Variants in EIF4E3 observed in about 807,000 individuals in gnomAD.
EIF4E3 encodes eukaryotic translation initiation factor 4E family member 3.
Under a neutral mutation model 31.7 loss-of-function variants are expected in EIF4E3, and 26 were observed. The ratio of observed to expected loss-of-function variants is 0.82; its 90% CI spans 0.60 to 1.14. The LOEUF is 1.14. EIF4E3 is among the 50% of genes most tolerant of loss of function. EIF4E3 has a pLI of 0.00. For missense variants in EIF4E3, 304 were observed against 270.9 expected, an observed-to-expected ratio of 1.12 and a Z score of -0.86; for synonymous variants, 128 against 107.7, an observed-to-expected ratio of 1.19 and a Z score of -1.17.
chr3:71,659,719 G>A, the EIF4E3 span, among the ~76,000 whole-genome samples: 2 of 152,170 alleles, frequency 1.3e-5, no homozygotes. Context: ...TCACACTGTG[G>A]TCACAACACA....
At chr3:71,692,330 A>C (rs2049074303) in intron 5 of EIF4E3, among the ~76,000 whole-genome samples, 1 of 152,194 alleles carries the variant, frequency 6.6e-6, no homozygotes, top group Non-Finnish European at 1.5e-5. Context: ...AATGGTTAAT[A>C]GTTAATGGTG....
At chr3:71,702,025 G>A (rs954680286) in intron 2 of EIF4E3, among the ~76,000 whole-genome samples, 2 of 152,172 alleles carry the variant, frequency 1.3e-5, no homozygotes, top group Non-Finnish European at 2.9e-5. Context: ...AGGCAGGGCT[G>A]GAATCTGAAT....
intron 1 of EIF4E3, among the ~76,000 whole-genome samples, chr3:71,718,516 T>C (rs942863390): frequency 3.3e-5 from 5 of 152,182 alleles, no homozygotes; most frequent in Non-Finnish European, 7.3e-5. Flanking sequence ...CTTCAGTACA[T>C]GGAGGATGGG....
the EIF4E3 span, among the ~76,000 whole-genome samples, chr3:71,669,585 A>AG: frequency 2.0e-5 from 3 of 152,124 alleles, no homozygotes; most frequent in Admixed American, 2.0e-4. Flanking sequence ...ATTTGTTAGA[A>AG]GGGGGGTATG....
intron 3 of EIF4E3, among the ~76,000 whole-genome samples, chr3:71,697,160 C>CA (rs1158310989): frequency 6.6e-6 from 1 of 152,166 alleles, no homozygotes; most frequent in African/African-American, 2.4e-5. Flanking sequence ...GGATTACAGG[C>CA]ATGTGCCATC....
downstream of EIF4E3, among the ~76,000 whole-genome samples, chr3:71,672,711 G>T (rs560911708): frequency 3.3e-5 from 5 of 152,188 alleles, no homozygotes; most frequent in Non-Finnish European, 7.3e-5. Flanking sequence ...GTCAGCGGGC[G>T]AAACAGCAGT....
chr3:71,724,550 C>A (rs1460412001), intron 1 of EIF4E3, among the ~76,000 whole-genome samples: 6 of 152,182 alleles, frequency 3.9e-5, no homozygotes, highest in Admixed American at 3.9e-4. Flanking sequence ...ATAATTCACC[C>A]CCTTCCTGAC....
intron 6 of EIF4E3, among the ~76,000 whole-genome samples, chr3:71,688,391 T>C (rs1441161658): frequency 6.6e-6 from 1 of 152,196 alleles, no homozygotes; most frequent in Non-Finnish European, 1.5e-5. Context: ...ACCTGGAAAC[T>C]TAATCATAGA....
rs2048963495 is a variant in EIF4E3 at position 71,684,476 on chromosome 3, A to C, written c.*206T>G. On this transcript the variant is annotated 3_prime_UTR_variant, in exon 7 of 7. Transcript: ENST00000425534. Reference sequence around the variant, plus strand: ...GTTTTTTGTGTGTGTTTTTTTTAAAAAGCAAGTAATGTGACGGTAGAAACC... The same window carrying C: ...GTTTTTTGTGTGTGTTTTTTTTAAACAGCAAGTAATGTGACGGTAGAAACC... 4.8e-6 allele frequency: 2 copies of C among 420,574 alleles called. No homozygotes were observed. 26.1% of individuals were successfully genotyped at this position (420,574 alleles called of 1,614,324 possible). A position where few individuals can be genotyped will look rare whatever the true frequency, so the allele number is the denominator to read the frequency against.
chr3:71,738,742 A>G (rs1348800976), intron 1 of EIF4E3, among the ~76,000 whole-genome samples: 1 of 152,088 alleles, frequency 6.6e-6, no homozygotes, highest in Non-Finnish European at 1.5e-5. Context: ...AGCAATGGAT[A>G]GAACTGCTAG....
intron 1 of EIF4E3, among the ~76,000 whole-genome samples, chr3:71,721,281 G>A (rs1306242082): frequency 6.6e-6 from 1 of 152,226 alleles, no homozygotes; most frequent in South Asian, 2.1e-4. Flanking sequence ...TCCAATCCAG[G>A]AGCTAAGGAC....
intron 1 of EIF4E3, among the ~76,000 whole-genome samples, chr3:71,735,841 T>A (rs1389646590): frequency 6.6e-6 from 1 of 152,186 alleles, no homozygotes; most frequent in African/African-American, 2.4e-5. Context: ...TTTCATGTTT[T>A]ACTGGTTAAA....
chr3:71,754,179 G>C (rs758405764), upstream of EIF4E3: 225 of 1,442,632 alleles, frequency 1.6e-4, no homozygotes, highest in Middle Eastern at 2.2e-4. This position sits in a 1 kb window ranked among gnomAD's most constrained non-coding sequence, Gnocchi z 5.8. Context: ...GCTGCTGATC[G>C]TGCGGGAGCG....
At chr3:71,721,563 T>C (rs1267220401) in intron 1 of EIF4E3, among the ~76,000 whole-genome samples, 1 of 151,956 alleles carries the variant, frequency 6.6e-6, no homozygotes, top group African/African-American at 2.4e-5. Context: ...ATCATGGGGG[T>C]GGCTTCCCCC....
chr3:71,724,970 C>T (rs2049608603), intron 1 of EIF4E3, among the ~76,000 whole-genome samples: 1 of 152,150 alleles, frequency 6.6e-6, no homozygotes, highest in Admixed American at 6.5e-5. Context: ...GCTGTCCTCC[C>T]CCGGCCCGGA....
intron 1 of EIF4E3, among the ~76,000 whole-genome samples, chr3:71,751,790 G>C (rs998163396): frequency 6.6e-6 from 1 of 152,152 alleles, no homozygotes; most frequent in Non-Finnish European, 1.5e-5. Flanking sequence ...ATGAAGAAAT[G>C]ATGGCTGGGG....
chr3:71,710,330 G>T, intron 2 of EIF4E3, 82 bp downstream of exon 2: 2 of 1,461,418 alleles, frequency 1.4e-6, no homozygotes, highest in Non-Finnish European at 1.9e-6. Context: ...GGGGCTGCCA[G>T]CACAGCAACA....
intron 1 of EIF4E3, among the ~76,000 whole-genome samples, chr3:71,715,698 C>T (rs555194109): frequency 1.2e-3 from 186 of 152,302 alleles, no homozygotes; most frequent in Non-Finnish European, 2.2e-3. Flanking sequence ...CTGGATGGAT[C>T]AGGTTAAAGA....
In EIF4E3 at chr3:71,690,044, C is replaced by T. The variant is rs751304926; in HGVS notation, c.594G>A (p.Leu198=). 1.9e-6 allele frequency: 3 copies of T among 1,613,030 alleles called. No individual in the cohort carries two copies. In the South Asian group the frequency reaches 3.3e-5, roughly 18 times the overall value. ...ATVLEKIYEL[L]PHITFKAVFY... is the part of the protein sequence containing the mutation. ...ATACTGCTTTAAAAGTTATGTGGGG[C>T]AGAAGTTCATAGATCTTTTCTAAAA... Residue 198 remains leucine (L), a synonymous_variant, in exon 6 of 7, where the codon CTG becomes CTA. Transcript: ENST00000425534.
Sources: allele counts gnomAD v4.1 joint callset (sites outside exome capture counted in the v4.1 genomes callset), GRCh38; gene constraint gnomAD v4.1.1; non-coding constraint Gnocchi (gnomAD v3.1); transcripts MANE v1.5; gene names NCBI Gene and HGNC (gene_info 2026-07-23, HGNC 2026-07-21).